Variants in PARD6G observed in about 807,000 individuals in gnomAD.
The protein encoded by PARD6G is partitioning defective 6 homolog gamma.
PARD6G carries 7 observed loss-of-function variants against 10.7 expected under a neutral mutation model. That is an observed-to-expected ratio of 0.66 (90% CI 0.37 to 1.23). The LOEUF (loss-of-function observed/expected upper bound fraction) is 1.23. PARD6G is among the 50% of genes most tolerant of loss of function. PARD6G has a pLI of 0.02. For missense variants in PARD6G, 548 were observed against 571.8 expected (o/e 0.96, Z 0.42); for synonymous variants, 287 against 269.4 (o/e 1.07, Z -0.64).
At chr18:80,186,165 C>G (rs527638774) in intron 2 of PARD6G, among the ~76,000 whole-genome samples, 1 of 145,810 alleles carries the variant, frequency 6.9e-6, no homozygotes, top group Admixed American at 6.8e-5. Flanking sequence ...CACACCCTCA[C>G]GCACGCATGC....
At chr18:80,210,985 A>G (rs1967102702) in intron 1 of PARD6G, among the ~76,000 whole-genome samples, 1 of 151,092 alleles carries the variant, frequency 6.6e-6, no homozygotes, top group Non-Finnish European at 1.5e-5. Context: ...AGACAAATGG[A>G]ACTATTCACA....
Position 80,202,718 on chromosome 18 carries a change from T to C in PARD6G, c.287A>G (p.Gln96Arg), listed in dbSNP as rs1967019827. Residue 96 changes from glutamine to arginine, a missense_variant, in exon 2 of 3, where the codon CAG becomes CGG. This residue lies in a region of PARD6G where 235 missense variants were observed against 291.9 expected (regional missense o/e 0.81). Transcript: ENST00000353265. ...CTCAACCACTTCAGTACCTCGTTTC[T>C]GGATGAAGACCCTGAGCAGGGGATT... is the stretch of plus-strand genomic sequence containing the variant. ...SANPLLRVFIQKREEAERGSL... is the reference protein window; with the variant it reads ...SANPLLRVFIRKREEAERGSL... The C allele has an allele frequency of 6.2e-6, 10 of 1,612,818 alleles. No homozygotes were observed. Among genetic ancestry groups the C allele is most frequent in the Non-Finnish European group, 8.5e-6 (10 of 1,179,908 alleles).
intron 2 of PARD6G, 174 bp downstream of exon 2, chr18:80,202,534 AAC>A: frequency 1.7e-6 from 1 of 572,888 alleles, no homozygotes; most frequent in Non-Finnish European, 3.1e-6. Flanking sequence ...TAAAGTAGAA[AAC>A]ACAGTTTAGT....
At chr18:80,229,576 C>G (rs556564626) in intron 1 of PARD6G, among the ~76,000 whole-genome samples, 2 of 152,324 alleles carry the variant, frequency 1.3e-5, no homozygotes, top group East Asian at 3.9e-4. Context: ...ACCCGGAGTC[C>G]AAATCTGCAC....
At position 80,200,577 on chromosome 18, in the gene PARD6G, A is replaced by G. The variant is rs1390771634; in HGVS notation, c.295+2133T>C. On this transcript the variant is annotated intron_variant, in intron 2 of 2. Transcript: ENST00000353265. This position sits in a 1 kb window ranked among gnomAD's most constrained non-coding sequence, Gnocchi z 4.4. ...TGAGTTCAGGTCTCCCTAGCTCCAC[A>G]CTGTAACATGACAGAGGAAGGCAGG... Among the ~76,000 whole-genome samples the G allele has an allele frequency of 6.6e-6, 1 of 152,152 alleles. No homozygotes were observed. Among genetic ancestry groups the G allele is most frequent in the Non-Finnish European group, 1.5e-5 (1 of 68,030 alleles).
chr18:80,186,718 C>T (rs759452271), intron 2 of PARD6G, among the ~76,000 whole-genome samples: 1 of 152,210 alleles, frequency 6.6e-6, no homozygotes, highest in Non-Finnish European at 1.5e-5. Context: ...GTAGCTGCTA[C>T]TCCCCCAGTT....
In PARD6G at chr18:80,241,056, T is replaced by C. The variant is rs372708631; in HGVS notation, c.72+6221A>G. ...GTGAGGCCATGCAGCAAGAACCTTC[T>C]ACAGTGATGCAAGAAAAATAGAACT... is the stretch of plus-strand genomic sequence containing the variant. On this transcript the variant is annotated intron_variant, in intron 1 of 2. Coordinates refer to ENST00000353265, the MANE Select transcript of PARD6G (RefSeq NM_032510.4). Among the ~76,000 whole-genome samples the C allele has an allele frequency of 1.4e-3, 206 of 152,252 alleles. 8 individuals are homozygous for C. The South Asian group carries it at 0.042, about 31-fold the overall frequency.
intron 2 of PARD6G, among the ~76,000 whole-genome samples, chr18:80,198,490 CAG>C (rs1180989545): frequency 1.3e-5 from 2 of 152,196 alleles, no homozygotes; most frequent in Admixed American, 6.5e-5. Context: ...GCAACTACCA[CAG>C]GATATGAAAA....
Position 80,228,276 on chromosome 18 carries a change from C to T in PARD6G, c.72+19001G>A, listed in dbSNP as rs1031343828. ...GACCCCAAGTGAAAACTGCGGAAGCCGCCATGGGGAGGTGAGGGGAGGTGA... is the reference window on the plus strand; with the variant it reads ...GACCCCAAGTGAAAACTGCGGAAGCTGCCATGGGGAGGTGAGGGGAGGTGA... On this transcript the variant is annotated intron_variant, in intron 1 of 2. Coordinates refer to ENST00000353265, the MANE Select transcript of PARD6G (RefSeq NM_032510.4). The surrounding 1 kb of genome is among the most constrained non-coding windows in gnomAD (Gnocchi z 4.6). Among the ~76,000 whole-genome samples, 4 of 151,688 alleles carry T rather than the reference C, an allele frequency of 2.6e-5. No homozygotes were observed. The highest frequency in any genetic ancestry group is 6.8e-3 in the Middle Eastern group (2 of 294).
Position 80,160,366 on chromosome 18 carries a change from C to T in PARD6G, c.536G>A (p.Ser179Asn). 6.2e-7 allele frequency: 1 copy of T among 1,610,630 alleles called. No homozygotes were observed. Among genetic ancestry groups the T allele is most frequent in the Non-Finnish European group, 8.5e-7 (1 of 1,179,344 alleles). ...PLGFYIRDGASVRVTPHGLEK... is the reference protein window; with the variant it reads ...PLGFYIRDGANVRVTPHGLEK... ...CAGCCCGTGCGGGGTCACGCGCACG[C>T]TGGCGCCATCGCGGATGTAGAAGCC... is the stretch of plus-strand genomic sequence containing the variant. Residue 179 changes from serine (S) to asparagine (N), a missense_variant, in exon 3 of 3, where the codon AGC (serine) becomes AAC (asparagine). By Grantham distance (46) the Ser-to-Asn change is conservative (BLOSUM62 1). Around this residue, in one of 2 missense-constraint regions of PARD6G, gnomAD observed 235 missense variants for 291.9 expected, o/e 0.81. Transcript: ENST00000353265.
intron 1 of PARD6G, among the ~76,000 whole-genome samples, chr18:80,215,329 A>G (rs974382229): frequency 2.0e-5 from 3 of 152,182 alleles, no homozygotes; most frequent in African/African-American, 7.2e-5. Context: ...AGCACTGTTA[A>G]AAGTAACTAC....
chr18:80,238,457 G>A (rs1967450555), intron 1 of PARD6G, among the ~76,000 whole-genome samples: 1 of 150,346 alleles, frequency 6.7e-6, no homozygotes, highest in Non-Finnish European at 1.5e-5. Context: ...AAACCTGCAT[G>A]TTGTGCACAA....
In PARD6G at chr18:80,160,581, G is replaced by A. The variant is rs1384677981; in HGVS notation, c.321C>T (p.Gly107=). 2.1e-6 allele frequency: 3 copies of A among 1,455,310 alleles called. No homozygotes were observed. The highest frequency in any genetic ancestry group is 2.5e-5 in the East Asian group (1 of 40,148). 90.1% of individuals were successfully genotyped at this position (1,455,310 alleles called of 1,614,324 possible). A position where few individuals can be genotyped will look rare whatever the true frequency, so the allele number is the denominator to read the frequency against. The change falls in exon 3 of 3, where the codon GGC becomes GGT. Residue 107 remains glycine, a synonymous_variant. Coordinates refer to ENST00000353265, the MANE Select transcript of PARD6G (RefSeq NM_032510.4). ...GCCTCCGCCTGCACAGCGAGCCCGC[G>A]CCGAGGCTGCCACGCTCGGCCTCCT... ...KREEAERGSL[G]AGSLCRRRRA...
In PARD6G at chr18:80,184,124, G is replaced by C. The variant is rs557050004; in HGVS notation, c.295+18586C>G. 1 of 152,334 alleles carries C rather than the reference G, an allele frequency of 6.6e-6. No individual in the cohort carries two copies. Among genetic ancestry groups the C allele is most frequent in the South Asian group, 2.1e-4 (1 of 4,828 alleles). 9.4% of individuals were successfully genotyped at this position (152,334 alleles called of 1,614,324 possible). A position where few individuals can be genotyped will look rare whatever the true frequency, so the allele number is the denominator to read the frequency against. On this transcript the variant is annotated intron_variant, in intron 2 of 2. Coordinates refer to ENST00000353265, the MANE Select transcript of PARD6G (RefSeq NM_032510.4). The surrounding 1 kb of genome is among the most constrained non-coding windows in gnomAD (Gnocchi z 4.5). ...AGAAACACTAGGGCTTCAACCAGAT[G>C]AGGGGCGTTTAGGAAAACCCACAGC...
At chr18:80,187,890 C>T (rs2052888793) in intron 2 of PARD6G, 1 of 152,236 alleles carries the variant, frequency 6.6e-6, no homozygotes, top group African/African-American at 2.4e-5. Flanking sequence ...TGGGGCTACA[C>T]ACCCATACAT....
At chr18:80,185,774 C>A (rs1568431753) in intron 2 of PARD6G, among the ~76,000 whole-genome samples, 1 of 138,248 alleles carries the variant, frequency 7.2e-6, no homozygotes, top group Non-Finnish European at 1.6e-5. Flanking sequence ...ATGCATATAC[C>A]CTGACATGCT....
chr18:80,196,932 C>G (rs1199992817), intron 2 of PARD6G, among the ~76,000 whole-genome samples: 1 of 125,478 alleles, frequency 8.0e-6, no homozygotes, highest in Non-Finnish European at 1.7e-5. Context: ...ATCCTCCAAA[C>G]ACACAAACTT....
intron 1 of PARD6G, among the ~76,000 whole-genome samples, chr18:80,236,865 G>A (rs1259291670): frequency 6.6e-6 from 1 of 152,110 alleles, no homozygotes; most frequent in Non-Finnish European, 1.5e-5. Context: ...CAAACAAATG[G>A]AAGAACATTC....
intron 2 of PARD6G, among the ~76,000 whole-genome samples, chr18:80,194,683 C>G: frequency 6.6e-6 from 1 of 151,932 alleles, no homozygotes; most frequent in African/African-American, 2.4e-5. Flanking sequence ...CAGGAGGATC[C>G]TAGGCCACGT....
Sources: allele counts gnomAD v4.1 joint callset (sites outside exome capture counted in the v4.1 genomes callset), GRCh38; gene constraint gnomAD v4.1.1; regional missense constraint gnomAD v4.1.1; non-coding constraint Gnocchi (gnomAD v3.1); transcripts MANE v1.5; gene names NCBI Gene and HGNC (gene_info 2026-07-23, HGNC 2026-07-21).